Variants in NAMPT observed in about 807,000 individuals in gnomAD.
NAMPT encodes NAmPRTase.
In NAMPT, 7 loss-of-function variants were observed where a neutral mutation model predicts 58.7. The observed-to-expected ratio is 0.12, with a 90% CI of 0.07 to 0.22. The LOEUF is 0.22. Among genes scored for constraint, NAMPT ranks in the 10% least tolerant of loss-of-function variants. The probability of loss-of-function intolerance (pLI) is 1.00; values close to 1 mark genes in which losing one functional copy is unlikely to be tolerated. For synonymous variants in NAMPT, 145 were observed against 198.1 expected (o/e 0.73, Z 2.25); for missense variants, 271 against 567.9 (o/e 0.48, Z 5.31).
intron 8 of NAMPT, among the ~76,000 whole-genome samples, chr7:106,260,537 T>C (rs1401881466): frequency 2.0e-5 from 3 of 152,282 alleles, no homozygotes; most frequent in South Asian, 2.1e-4. Flanking sequence ...CTTAGTGGAG[T>C]AGCACTTTGA....
chr7:106,273,760 T>C (rs1792580824), intron 3 of NAMPT, among the ~76,000 whole-genome samples: 2 of 152,182 alleles, frequency 1.3e-5, no homozygotes, highest in African/African-American at 4.8e-5. Context: ...GTACAGGTGA[T>C]AGCTCACAGA....
intron 2 of NAMPT, 169 bp downstream of exon 2, chr7:106,276,854 A>AC: frequency 1.7e-6 from 1 of 602,576 alleles, no homozygotes; most frequent in East Asian, 3.0e-5. Flanking sequence ...AAAAAAAAAA[A>AC]AAAACCTTTT....
chr7:106,276,669 C>A (rs1034158448), intron 2 of NAMPT: 7 of 209,470 alleles, frequency 3.3e-5, no homozygotes, highest in Non-Finnish European at 5.9e-5. Flanking sequence ...ATGGAGAAAG[C>A]CCGTCTTCAC....
chr7:106,265,821 C>T (rs751675396), intron 6 of NAMPT, among the ~76,000 whole-genome samples: 35 of 152,138 alleles, frequency 2.3e-4, no homozygotes, highest in Non-Finnish European at 1.2e-4. Flanking sequence ...ATCCTAATTT[C>T]AAGCACCAAA....
At chr7:106,281,766 T>G (rs1336130631) in intron 1 of NAMPT, among the ~76,000 whole-genome samples, 2 of 152,190 alleles carry the variant, frequency 1.3e-5, no homozygotes, top group Non-Finnish European at 2.9e-5. Context: ...TTTGGGTTAT[T>G]TGGGGAAGGA....
rs1170840399 is a variant in NAMPT at position 106,248,713 on chromosome 7, T to C, written c.*2370A>G. ...TAATTAATGTCAGTTGAAAATCTAA[T>C]GACTTAAATCCATAAATGCCATTTG... On this transcript the variant is annotated 3_prime_UTR_variant, in exon 11 of 11. Coordinates refer to ENST00000222553, the MANE Select transcript of NAMPT (RefSeq NM_005746.3). 1 of 152,096 alleles carries C rather than the reference T, an allele frequency of 6.6e-6. No homozygotes were observed. The allele number at this position is 152,096 out of a possible 1,614,324, so 9.4% of individuals were successfully genotyped here.
intron 10 of NAMPT, among the ~76,000 whole-genome samples, 175 bp downstream of exon 10, chr7:106,252,842 C>T (rs575065102): frequency 2.0e-5 from 3 of 152,168 alleles, no homozygotes; most frequent in South Asian, 4.1e-4. Context: ...GTGTTTATGA[C>T]GTAGACACTT....
rs1223832562 is a variant in NAMPT, at chr7:106,248,456, GT to G, written c.*2626del. 10 of 152,446 alleles carry G rather than the reference GT, an allele frequency of 6.6e-5. No homozygotes were observed. The Admixed American group carries it at 6.6e-4, about 10-fold the overall frequency. 9.4% of individuals were successfully genotyped at this position (152,446 alleles called of 1,614,324 possible). A position where few individuals can be genotyped will look rare whatever the true frequency, so the allele number is the denominator to read the frequency against. On this transcript the variant is annotated 3_prime_UTR_variant, in exon 11 of 11. Coordinates refer to ENST00000222553, the MANE Select transcript of NAMPT (RefSeq NM_005746.3). ...AAAACTACAAAATACTTAAGTGTGA[GT>G]TCTAAATTATGGCAAACAGAACAAT...
chr7:106,250,378 C>T lies in NAMPT; in HGVS notation c.*705G>A, dbSNP rs1024237031. ...TTTCAAATTTGGCATTTCACTGGTA[C>T]AATACAACAACCAAGATATATAATA... On this transcript the variant is annotated 3_prime_UTR_variant, in exon 11 of 11. Coordinates refer to ENST00000222553, the MANE Select transcript of NAMPT (RefSeq NM_005746.3). The T allele has an allele frequency of 4.6e-5, 7 of 152,374 alleles. No homozygotes were observed. The highest frequency in any genetic ancestry group is 1.0e-4 in the Non-Finnish European group (7 of 67,932). 9.4% of individuals were successfully genotyped at this position (152,374 alleles called of 1,614,324 possible).
At position 106,263,426 on chromosome 7, in the gene NAMPT, G is replaced by A. The variant is rs1215113036; in HGVS notation, c.935C>T (p.Pro312Leu). Residue 312 changes from proline to leucine, a missense_variant, in exon 7 of 11, where the codon CCT becomes CTT. Transcript: ENST00000222553. ...RSTQAPLIIR[P>L]DSGNPLDTVL... ...AGTGTCAAGAGGGTTTCCAGAATCAGGTCTGATTATTAGTGGTGCCTGTGT... is the reference window on the plus strand; with the variant it reads ...AGTGTCAAGAGGGTTTCCAGAATCAAGTCTGATTATTAGTGGTGCCTGTGT... The A allele has an allele frequency of 1.2e-6, 2 of 1,602,070 alleles. No homozygotes were observed. Among genetic ancestry groups the A allele is most frequent in the Admixed American group, 1.7e-5 (1 of 59,490 alleles).
At chr7:106,257,148 A>C (rs1264843074) in intron 8 of NAMPT, among the ~76,000 whole-genome samples, 1 of 151,602 alleles carries the variant, frequency 6.6e-6, no homozygotes, top group African/African-American at 2.4e-5. Context: ...CCATCTCAAA[A>C]AAAAAAAAGA....
chr7:106,253,876 G>A (rs1317511111), intron 9 of NAMPT, among the ~76,000 whole-genome samples: 3 of 152,078 alleles, frequency 2.0e-5, no homozygotes, highest in Non-Finnish European at 4.4e-5. Flanking sequence ...AGAATCTCCA[G>A]CTCTCAAGAC....
At chr7:106,256,393 CG>C in intron 8 of NAMPT, among the ~76,000 whole-genome samples, 1 of 152,126 alleles carries the variant, frequency 6.6e-6, no homozygotes, top group Non-Finnish European at 1.5e-5. Flanking sequence ...GTGAGGCTGA[CG>C]TCAAGGAAGA....
At chr7:106,282,975 G>A (rs909030157) in intron 1 of NAMPT, among the ~76,000 whole-genome samples, 1 of 152,056 alleles carries the variant, frequency 6.6e-6, no homozygotes, top group South Asian at 2.1e-4. Flanking sequence ...TAGGTTATAA[G>A]GACCCCTAAA....
intron 6 of NAMPT, among the ~76,000 whole-genome samples, chr7:106,266,793 CTAAGA>C (rs1289705967): frequency 1.3e-5 from 2 of 152,148 alleles, no homozygotes; most frequent in African/African-American, 2.4e-5. Context: ...AAAAAGTCCC[CTAAGA>C]TATTTATCTC....
intron 6 of NAMPT, among the ~76,000 whole-genome samples, chr7:106,266,639 T>C (rs1433338130): frequency 1.3e-5 from 2 of 152,222 alleles, no homozygotes; most frequent in African/African-American, 2.4e-5. Flanking sequence ...CCATTGCTCA[T>C]GTTTACCTAT....
rs73720636 is a variant in NAMPT at position 106,282,018 on chromosome 7, T to C, written c.57+2810A>G. Among the ~76,000 whole-genome samples the C allele has an allele frequency of 2.0e-3, 299 of 152,176 alleles. 1 individual carries two copies. The highest frequency in any genetic ancestry group is 6.8e-3 in the African/African-American group (282 of 41,524). On this transcript the variant is annotated intron_variant, in intron 1 of 10. Coordinates refer to ENST00000222553, the MANE Select transcript of NAMPT (RefSeq NM_005746.3). Reference sequence around the variant, plus strand: ...TATATAACAAAACATAATGGAAAAATTGAAATATATGTACAATGTCACATA... The same window carrying C: ...TATATAACAAAACATAATGGAAAAACTGAAATATATGTACAATGTCACATA...
chr7:106,281,619 CA>C (rs969813708), intron 1 of NAMPT, among the ~76,000 whole-genome samples: 1 of 152,164 alleles, frequency 6.6e-6, no homozygotes, highest in African/African-American at 2.4e-5. Context: ...CTAGAAACAG[CA>C]AAAACCATAA....
At chr7:106,285,151 C>A, upstream of NAMPT, 10 of 1,266,994 alleles carry the variant, frequency 7.9e-6, no homozygotes, top group Non-Finnish European at 1.0e-5. Flanking sequence ...CGCCTTCACC[C>A]CGTCACCCTC....
Sources: gnomAD v4.1 joint callset for allele counts (sites outside exome capture counted in the v4.1 genomes callset) on GRCh38, gnomAD v4.1.1 for gene constraint, MANE v1.5 for transcripts, NCBI Gene and HGNC (gene_info 2026-07-23, HGNC 2026-07-21) for gene names.